NOS1AP: variants seen among roughly 807,000 people sequenced by gnomAD.
The protein encoded by NOS1AP is carboxyl-terminal PDZ ligand of neuronal nitric oxide synthase protein.
Under a neutral mutation model 56.2 loss-of-function variants are expected in NOS1AP, and 21 were observed. The observed-to-expected ratio is 0.37, with a 90% confidence interval of 0.26 to 0.54. The LOEUF (loss-of-function observed/expected upper bound fraction) is 0.54. NOS1AP is among the 20% of genes least tolerant of loss of function. The probability of loss-of-function intolerance (pLI) is 0.84; values close to 1 mark genes in which losing one functional copy is unlikely to be tolerated. For synonymous variants in NOS1AP, 270 were observed against 274.6 expected (o/e 0.98, Z 0.17); for missense variants, 522 against 657.8 (o/e 0.79, Z 2.26).
intron 4 of NOS1AP, among the ~76,000 whole-genome samples, chr1:162,321,686 T>A (rs1404574604): frequency 1.3e-5 from 2 of 149,540 alleles, no homozygotes; most frequent in African/African-American, 5.0e-5. Flanking sequence ...ACCTGCACGT[T>A]GTGCACATGT....
chr1:162,137,290 T>C (rs1395043560), intron 1 of NOS1AP, among the ~76,000 whole-genome samples: 1 of 152,208 alleles, frequency 6.6e-6, no homozygotes. Context: ...ATTCAAATTC[T>C]GGGCCACTCC....
At chr1:162,128,811 AATC>A (rs1043245696) in intron 1 of NOS1AP, among the ~76,000 whole-genome samples, 2 of 152,194 alleles carry the variant, frequency 1.3e-5, no homozygotes, top group African/African-American at 4.8e-5. Context: ...TACTTGAAGA[AATC>A]AGTTTAAAAT....
intron 2 of NOS1AP, among the ~76,000 whole-genome samples, chr1:162,264,520 T>C (rs1654357734): frequency 7.5e-6 from 1 of 132,774 alleles, no homozygotes; most frequent in East Asian, 2.7e-4. Context: ...TCTTTTCTTT[T>C]TTTTTGAGAC....
chr1:162,118,336 T>C (rs943769234), intron 1 of NOS1AP, among the ~76,000 whole-genome samples: 2 of 152,226 alleles, frequency 1.3e-5, no homozygotes, highest in African/African-American at 4.8e-5. Flanking sequence ...CTCCCACTTA[T>C]AAGCGAGAAC....
chr1:162,104,061 T>C (rs1468477432), intron 1 of NOS1AP, among the ~76,000 whole-genome samples: 1 of 152,264 alleles, frequency 6.6e-6, no homozygotes, highest in Non-Finnish European at 1.5e-5. Flanking sequence ...TTTGTTTCTA[T>C]ATTTAGTGCT....
At chr1:162,111,695 C>T (rs1647716513) in intron 1 of NOS1AP, among the ~76,000 whole-genome samples, 1 of 152,178 alleles carries the variant, frequency 6.6e-6, no homozygotes, top group African/African-American at 2.4e-5. Flanking sequence ...GGATGACATA[C>T]AGAGAGGTCA....
chr1:162,289,809 A>G (rs1655230571), intron 3 of NOS1AP, among the ~76,000 whole-genome samples: 1 of 152,134 alleles, frequency 6.6e-6, no homozygotes, highest in Non-Finnish European at 1.5e-5. Context: ...GTAAACACCT[A>G]CTGTCCTAGG....
chr1:162,252,811 A>C (rs932982999), intron 2 of NOS1AP, among the ~76,000 whole-genome samples: 1 of 152,206 alleles, frequency 6.6e-6, no homozygotes, highest in Non-Finnish European at 1.5e-5. Flanking sequence ...AAATAAAATT[A>C]AAAATAAAAT....
At chr1:162,166,876 C>T (rs1650521636) in intron 2 of NOS1AP, among the ~76,000 whole-genome samples, 3 of 152,168 alleles carry the variant, frequency 2.0e-5, no homozygotes, top group Admixed American at 1.3e-4. Context: ...CTAGAATTGG[C>T]AACTCAAGCC....
intron 8 of NOS1AP, chr1:162,360,675 G>T: frequency 2.7e-6 from 1 of 377,040 alleles, no homozygotes. Context: ...ACAAAACTCC[G>T]CATCCCCACC....
chr1:162,231,750 A>T (rs4657176), intron 2 of NOS1AP, among the ~76,000 whole-genome samples: 2,681 of 152,316 alleles, frequency 0.018, 34 homozygotes, highest in Middle Eastern at 0.044. Flanking sequence ...CTGAGAGATG[A>T]TAAATTGATA....
At chr1:162,125,939 A>G (rs919250235) in intron 1 of NOS1AP, among the ~76,000 whole-genome samples, 1 of 152,080 alleles carries the variant, frequency 6.6e-6, no homozygotes, top group Non-Finnish European at 1.5e-5. Context: ...TGTGTCATCT[A>G]TGATTTTTTT....
At chr1:162,152,146 T>C (rs1649740020) in intron 1 of NOS1AP, among the ~76,000 whole-genome samples, 1 of 152,158 alleles carries the variant, frequency 6.6e-6, no homozygotes, top group Admixed American at 6.5e-5. Flanking sequence ...GGTAGCAGGA[T>C]AGGGATGGGT....
chr1:162,240,994 G>A (rs1277493047), intron 2 of NOS1AP, among the ~76,000 whole-genome samples: 3 of 152,202 alleles, frequency 2.0e-5, no homozygotes, highest in Non-Finnish European at 4.4e-5. Context: ...GAAAGGATGA[G>A]TAGAGGCTGA....
chr1:162,081,774 A>ATATATATATATTTTTTTTTTTTTTTT, intron 1 of NOS1AP, among the ~76,000 whole-genome samples: 37 of 44,034 alleles, frequency 8.4e-4, no homozygotes, highest in African/African-American at 2.6e-3. Context: ...ATATATATAT[A>ATATATATATATTTTTTTTTTTTTTTT]TTTTTTTTTT....
chr1:162,341,525 A>ATTTACCTTT (rs1657105942), intron 5 of NOS1AP, among the ~76,000 whole-genome samples: 3 of 152,202 alleles, frequency 2.0e-5, no homozygotes, highest in Admixed American at 2.0e-4. Context: ...AACCTAAAAC[A>ATTTACCTTT]TTTACCTTTT....
chr1:162,260,452 A>G (rs549568780), intron 2 of NOS1AP, among the ~76,000 whole-genome samples: 25 of 152,214 alleles, frequency 1.6e-4, no homozygotes, highest in Non-Finnish European at 2.5e-4. Flanking sequence ...TAATACAAGT[A>G]GGAGCTTTGT....
intron 5 of NOS1AP, among the ~76,000 whole-genome samples, chr1:162,340,150 A>C (rs915850713): frequency 3.9e-5 from 6 of 152,362 alleles, no homozygotes; most frequent in African/African-American, 1.4e-4. Context: ...TTTATGAAAC[A>C]TGCTACAGTG....
At chr1:162,164,665 A>C (rs1650393609) in intron 2 of NOS1AP, among the ~76,000 whole-genome samples, 1 of 152,200 alleles carries the variant, frequency 6.6e-6, no homozygotes, top group Non-Finnish European at 1.5e-5. Flanking sequence ...TCTAAGGTAC[A>C]TGCATGCTGT....
Sources: gnomAD v4.1 joint callset for allele counts (sites outside exome capture counted in the v4.1 genomes callset) on GRCh38, gnomAD v4.1.1 for gene constraint, MANE v1.5 for transcripts, NCBI Gene and HGNC (gene_info 2026-07-23, HGNC 2026-07-21) for gene names.